PLA2G4C: variants seen among roughly 807,000 people sequenced by gnomAD.
The protein encoded by PLA2G4C is phospholipase A2 group IVC.
A neutral mutation model predicts 73.8 loss-of-function variants in PLA2G4C; 64 were observed. That is an observed-to-expected ratio of 0.87 (90% confidence interval 0.71 to 1.07). The LOEUF (loss-of-function observed/expected upper bound fraction) is 1.07. PLA2G4C is among the 50% of genes least tolerant of loss of function. The probability of loss-of-function intolerance (pLI) is 0.00; values close to 1 mark genes in which losing one functional copy is unlikely to be tolerated. For missense variants in PLA2G4C, 622 were observed against 665.4 expected (o/e 0.93, Z 0.72); for synonymous variants, 254 against 252.1 (o/e 1.01, Z -0.07).
intron 12 of PLA2G4C, chr19:48,074,512 G>A (rs903728701): frequency 4.0e-6 from 2 of 499,682 alleles, no homozygotes; most frequent in East Asian, 3.8e-5. Context: ...TAATGGGATT[G>A]CTGGGCCAAA....
intron 11 of PLA2G4C, among the ~76,000 whole-genome samples, chr19:48,077,444 A>G (rs2030240664): frequency 6.6e-6 from 1 of 152,110 alleles, no homozygotes; most frequent in African/African-American, 2.4e-5. Context: ...GAAATCATAG[A>G]TGACACAAAC....
intron 14 of PLA2G4C, among the ~76,000 whole-genome samples, chr19:48,058,022 G>C (rs563014609): frequency 6.6e-6 from 1 of 151,674 alleles, no homozygotes; most frequent in East Asian, 2.0e-4. Context: ...TTTTTGGCCG[G>C]GTGTGGTGGC....
At chr19:48,068,735 A>G (rs959234839) in intron 12 of PLA2G4C, among the ~76,000 whole-genome samples, 56 of 150,984 alleles carry the variant, frequency 3.7e-4, no homozygotes, top group Non-Finnish European at 6.6e-4. Flanking sequence ...TGTATCTAAA[A>G]AAAAAAAAAA....
chr19:48,094,047 C>T (rs11564544), intron 7 of PLA2G4C, among the ~76,000 whole-genome samples: 3 of 152,130 alleles, frequency 2.0e-5, no homozygotes, highest in Admixed American at 6.5e-5. Flanking sequence ...TACCCAGTCT[C>T]GGGTAGTATC....
At chr19:48,101,046 G>C (rs1476892670) in intron 4 of PLA2G4C, among the ~76,000 whole-genome samples, 1 of 147,044 alleles carries the variant, frequency 6.8e-6, no homozygotes, top group African/African-American at 2.5e-5. Flanking sequence ...CAAGAAGCAT[G>C]GTGCAAAAAG....
chr19:48,107,956 C>A (rs1239128132), intron 1 of PLA2G4C, among the ~76,000 whole-genome samples: 1 of 152,190 alleles, frequency 6.6e-6, no homozygotes, highest in Non-Finnish European at 1.5e-5. Context: ...ACTCACATGA[C>A]CTTATCAATC....
chr19:48,106,841 CTCTG>C (rs1291671184), intron 1 of PLA2G4C, among the ~76,000 whole-genome samples: 3 of 152,098 alleles, frequency 2.0e-5, no homozygotes, highest in Non-Finnish European at 4.4e-5. Flanking sequence ...CTGTCTCTGT[CTCTG>C]TCTGTCTCTC....
intron 13 of PLA2G4C, chr19:48,064,634 G>T (rs2122498786): frequency 6.6e-6 from 1 of 152,214 alleles, no homozygotes; most frequent in Non-Finnish European, 1.5e-5. Flanking sequence ...ACTTCCTGGG[G>T]ATACAGCCCA....
rs534826657 is a variant in PLA2G4C at position 48,110,521 on chromosome 19, G to A, written c.-67C>T. ...GGTCTGGGGCGTGTGCGCATGCGCG[G>A]TGGAGCTTGTGCTCCGGAATCCGGT... is the stretch of plus-strand genomic sequence containing the variant. On this transcript the variant is annotated 5_prime_UTR_variant, in exon 1 of 17. Coordinates refer to ENST00000599921, the MANE Select transcript of PLA2G4C (RefSeq NM_003706.3). 235 of 971,336 alleles carry A rather than the reference G, an allele frequency of 2.4e-4. No homozygotes were observed. In the East Asian group the frequency reaches 0.011, roughly 47 times the overall value. The allele number at this position is 971,336 out of a possible 1,614,324, so 60.2% of individuals were successfully genotyped here.
intron 7 of PLA2G4C, among the ~76,000 whole-genome samples, chr19:48,094,481 C>T (rs953486456): frequency 6.6e-6 from 1 of 152,120 alleles, no homozygotes; most frequent in Admixed American, 6.6e-5. Flanking sequence ...AATTTCCTAC[C>T]ATGTGCTGGA....
chr19:48,062,242 T>C, intron 13 of PLA2G4C, 90 bp from the exon 14 acceptor site: 2 of 1,174,866 alleles, frequency 1.7e-6, no homozygotes, highest in South Asian at 1.6e-5. Flanking sequence ...GATGGGAAAA[T>C]GATCGTTGTC....
At chr19:48,102,269 T>A (rs2031958875) in intron 4 of PLA2G4C, among the ~76,000 whole-genome samples, 1 of 151,846 alleles carries the variant, frequency 6.6e-6, no homozygotes, top group Non-Finnish European at 1.5e-5. Flanking sequence ...GGCAGGCAGA[T>A]CACCTGAGGT....
intron 1 of PLA2G4C, among the ~76,000 whole-genome samples, chr19:48,109,668 G>T (rs940413560): frequency 4.6e-5 from 7 of 150,788 alleles, no homozygotes; most frequent in Non-Finnish European, 3.0e-5. Flanking sequence ...ATTTTTTTTT[G>T]AGATGGAGTC....
chr19:48,105,789 T>TA lies in PLA2G4C; in HGVS notation c.9-346_9-345insT, dbSNP rs1184776788. 1.4e-4 allele frequency among the ~76,000 whole-genome samples: 15 copies of TA among 108,204 alleles called. No individual in the cohort carries two copies. In the South Asian group the frequency reaches 1.9e-3, roughly 13 times the overall value. The allele number at this position is 108,204 out of a possible 152,430, so 71.0% of individuals were successfully genotyped here. ...AGCCTGGCCAACATGGTGACATACCTCCCTCCCTCCCTCCCTCCCTCCCCT... is the reference window on the plus strand; with the variant it reads ...AGCCTGGCCAACATGGTGACATACCTACCCTCCCTCCCTCCCTCCCTCCCCT... On this transcript the variant is annotated intron_variant, in intron 2 of 16. Coordinates refer to ENST00000599921, the MANE Select transcript of PLA2G4C (RefSeq NM_003706.3).
At chr19:48,049,337 G>A (rs1197435550) in intron 16 of PLA2G4C, among the ~76,000 whole-genome samples, 1 of 152,166 alleles carries the variant, frequency 6.6e-6, no homozygotes, top group Non-Finnish European at 1.5e-5. Context: ...TTCAGCCCCA[G>A]GTGAAAGGTC....
At chr19:48,060,923 G>A (rs1182540963) in intron 14 of PLA2G4C, among the ~76,000 whole-genome samples, 1 of 152,042 alleles carries the variant, frequency 6.6e-6, no homozygotes, top group Non-Finnish European at 1.5e-5. Flanking sequence ...GTTTTACCAT[G>A]ATTATTTTAT....
At chr19:48,103,073 ATGTT>A (rs1385697867) in intron 4 of PLA2G4C, among the ~76,000 whole-genome samples, 17 of 152,232 alleles carry the variant, frequency 1.1e-4, no homozygotes, top group African/African-American at 4.1e-4. Flanking sequence ...GGGTCTTGCT[ATGTT>A]GCCCAGGCTG....
At chr19:48,067,769 G>A (rs2307278) in intron 13 of PLA2G4C, 22 bp downstream of exon 13, 224,971 of 1,480,864 alleles carry the variant, frequency 0.15, 18,295 homozygotes, top group Non-Finnish European at 0.17. Context: ...AGACCAGGGC[G>A]GTGGGAAGAG....
chr19:48,082,496 CTTTTT>C (rs66641645), intron 10 of PLA2G4C, among the ~76,000 whole-genome samples: 1 of 106,278 alleles, frequency 9.4e-6, no homozygotes, highest in Non-Finnish European at 1.8e-5. Context: ...TTCTTTCTTT[CTTTTT>C]TTTTTTTTTT....
Sources: allele counts gnomAD v4.1 joint callset (sites outside exome capture counted in the v4.1 genomes callset), GRCh38; gene constraint gnomAD v4.1.1; transcripts MANE v1.5; gene names NCBI Gene and HGNC (gene_info 2026-07-23, HGNC 2026-07-21).